The following ELAC1 variants were observed in gnomAD, a reference collection of about 807,000 sequenced individuals.
ELAC1 encodes elaC ribonuclease Z 1.
In ELAC1, 19 loss-of-function variants were observed where a neutral mutation model predicts 25.8. The ratio of observed to expected loss-of-function variants is 0.74; its 90% confidence interval spans 0.51 to 1.08. The LOEUF (loss-of-function observed/expected upper bound fraction) is 1.08. Ranked by LOEUF, ELAC1 falls within the 50% of genes least tolerant of loss-of-function variation. The probability of loss-of-function intolerance (pLI) is 0.00; values close to 1 mark genes in which losing one functional copy is unlikely to be tolerated. For missense variants in ELAC1, 403 were observed against 434.6 expected (o/e 0.93, Z 0.65); for synonymous variants, 148 against 160.9 (o/e 0.92, Z 0.61).
chr18:50,984,116 A>G lies in ELAC1; in HGVS notation c.178A>G (p.Ile60Val). The G allele has an allele frequency of 6.3e-7, 1 of 1,587,946 alleles. No individual in the cohort carries two copies. The highest frequency in any genetic ancestry group is 8.5e-7 in the Non-Finnish European group (1 of 1,169,618). The change falls in exon 3 of 4, where the codon ATC becomes GTC. Residue 60 changes from isoleucine (I) to valine (V), a missense_variant. By Grantham distance (29) the Ile-to-Val change is conservative (BLOSUM62 3). Transcript: ENST00000269466. ...AAAAGGGAGAATTACCAAGATCTTC[A>G]TCACACACCTTCATGGAGACCATTT... Reference protein sequence around the residue: ...LKAGRITKIFITHLHGDHFFG... With the variant: ...LKAGRITKIFVTHLHGDHFFG...
intron 2 of ELAC1, among the ~76,000 whole-genome samples, chr18:50,981,333 G>A (rs1907944619): frequency 1.3e-5 from 2 of 151,846 alleles, no homozygotes. Context: ...GTATGGGAGT[G>A]TGTGTGTGTG....
At chr18:50,978,463 G>C (rs1907853941) in intron 2 of ELAC1, among the ~76,000 whole-genome samples, 1 of 152,172 alleles carries the variant, frequency 6.6e-6, no homozygotes, top group African/African-American at 2.4e-5. Context: ...CATGTGCAGG[G>C]GAACTCCCCT....
At chr18:50,976,032 A>G (rs867865812) in intron 2 of ELAC1, among the ~76,000 whole-genome samples, 15 of 152,190 alleles carry the variant, frequency 9.9e-5, no homozygotes, top group Admixed American at 8.5e-4. Context: ...GTTGGGGAGC[A>G]TTGAGTACTT....
chr18:50,975,953 G>A (rs962536406), intron 2 of ELAC1, among the ~76,000 whole-genome samples: 7 of 152,164 alleles, frequency 4.6e-5, no homozygotes, highest in Non-Finnish European at 8.8e-5. Context: ...GAGAGGTAGA[G>A]ATGGACATTG....
chr18:50,976,990 T>TC (rs1218956241), intron 2 of ELAC1, among the ~76,000 whole-genome samples: 1 of 152,218 alleles, frequency 6.6e-6, no homozygotes, highest in East Asian at 1.9e-4. Context: ...CTCCTTTGAC[T>TC]CCATGTCTCA....
At position 50,984,669 on chromosome 18, in the gene ELAC1, C is replaced by T. The variant is rs1447234894; in HGVS notation, c.625+106C>T. On this transcript the variant is annotated intron_variant, in intron 3 of 3. Transcript: ENST00000269466. Reference sequence around the variant, plus strand: ...TAGTAAGGCCAGGAGTTGTGGCTCACGCCTGTAATCCTAGCACTTTGGGAG... The same window carrying T: ...TAGTAAGGCCAGGAGTTGTGGCTCATGCCTGTAATCCTAGCACTTTGGGAG... 13 of 843,902 alleles carry T rather than the reference C, an allele frequency of 1.5e-5. No homozygotes were observed. The East Asian group carries it at 1.9e-4, about 12-fold the overall frequency. The allele number at this position is 843,902 out of a possible 1,614,324, so 52.3% of individuals were successfully genotyped here.
chr18:50,977,538 C>T (rs541670089), intron 2 of ELAC1, among the ~76,000 whole-genome samples: 1 of 152,342 alleles, frequency 6.6e-6, no homozygotes, highest in African/African-American at 2.4e-5. Context: ...AGCAGCAAGG[C>T]CCTGGGCCCA....
intron 2 of ELAC1, among the ~76,000 whole-genome samples, chr18:50,980,086 C>G (rs1907903707): frequency 6.6e-6 from 1 of 151,992 alleles, no homozygotes; most frequent in African/African-American, 2.4e-5. Flanking sequence ...GCATGTAATC[C>G]CAGCATTTTG....
chr18:50,976,905 A>G (rs1042877564), intron 2 of ELAC1, among the ~76,000 whole-genome samples: 1 of 152,258 alleles, frequency 6.6e-6, no homozygotes, highest in Non-Finnish European at 1.5e-5. Context: ...GAAATTGGCC[A>G]AAACAAAGGG....
At chr18:50,986,198 T>C (rs1908105938) in intron 3 of ELAC1, among the ~76,000 whole-genome samples, 2 of 152,004 alleles carry the variant, frequency 1.3e-5, no homozygotes, top group African/African-American at 4.8e-5. Context: ...CCTCGCACAA[T>C]GCTAGGATTA....
At chr18:50,970,870 T>G (rs1037955003) in intron 1 of ELAC1, among the ~76,000 whole-genome samples, 5 of 151,982 alleles carry the variant, frequency 3.3e-5, no homozygotes, top group African/African-American at 1.2e-4. Flanking sequence ...GTGTGTATCC[T>G]CTCCCACATC....
At chr18:50,971,910 GTGTATATATATATATA>G (rs1907665979) in intron 1 of ELAC1, among the ~76,000 whole-genome samples, 1 of 64,174 alleles carries the variant, frequency 1.6e-5, no homozygotes, top group African/African-American at 4.9e-5. Context: ...GTGTGTGTGT[GTGTATATATATATATA>G]TATATATATA....
At chr18:50,977,515 C>T (rs1280301323) in intron 2 of ELAC1, among the ~76,000 whole-genome samples, 5 of 152,226 alleles carry the variant, frequency 3.3e-5, no homozygotes, top group African/African-American at 1.2e-4. Flanking sequence ...CACCAAGTCC[C>T]AAGACTGCAC....
rs897927483 is a variant in ELAC1, at chr18:50,987,267, T to C, written c.*182T>C. On this transcript the variant is annotated 3_prime_UTR_variant, in exon 4 of 4. Transcript: ENST00000269466. Reference sequence around the variant, plus strand: ...GGAGCAAACTTTTTGATAATAAATCTTTTTAAGAGAAAAAAAACCCAGCAT... The same window carrying C: ...GGAGCAAACTTTTTGATAATAAATCCTTTTAAGAGAAAAAAAACCCAGCAT... 6.5e-5 allele frequency: 28 copies of C among 433,692 alleles called. No individual in the cohort carries two copies. The highest frequency in any genetic ancestry group is 1.2e-4 in the Admixed American group (3 of 25,468). The allele number at this position is 433,692 out of a possible 1,614,324, so 26.9% of individuals were successfully genotyped here. A position where few individuals can be genotyped will look rare whatever the true frequency, so the allele number is the denominator to read the frequency against.
chr18:50,980,491 A>G (rs1032395170), intron 2 of ELAC1, among the ~76,000 whole-genome samples: 1 of 152,028 alleles, frequency 6.6e-6, no homozygotes, highest in African/African-American at 2.4e-5. Context: ...GAGGCCAGGC[A>G]TGGTGGCTCA....
intron 2 of ELAC1, among the ~76,000 whole-genome samples, chr18:50,977,237 G>A (rs979034121): frequency 1.3e-5 from 2 of 152,174 alleles, no homozygotes; most frequent in East Asian, 3.9e-4. Context: ...TATGTGTGGG[G>A]GCTCACACCC....
intron 1 of ELAC1, chr18:50,968,580 A>T (rs1907564498): frequency 6.6e-6 from 1 of 152,256 alleles, no homozygotes; most frequent in Non-Finnish European, 1.5e-5. Flanking sequence ...CTGATGCCCC[A>T]TCATCACCGG....
intron 2 of ELAC1, among the ~76,000 whole-genome samples, chr18:50,974,885 A>T (rs1907761543): frequency 6.6e-6 from 1 of 152,138 alleles, no homozygotes; most frequent in Non-Finnish European, 1.5e-5. Context: ...ACTTACCTCC[A>T]CCAGGAGATA....
At chr18:50,978,645 T>C (rs1907858596) in intron 2 of ELAC1, among the ~76,000 whole-genome samples, 2 of 152,128 alleles carry the variant, frequency 1.3e-5, no homozygotes, top group African/African-American at 4.8e-5. Flanking sequence ...ATCATCACTG[T>C]GTATATGTGT....
Sources: allele counts gnomAD v4.1 joint callset (sites outside exome capture counted in the v4.1 genomes callset), GRCh38; gene constraint gnomAD v4.1.1; transcripts MANE v1.5; gene names NCBI Gene and HGNC (gene_info 2026-07-23, HGNC 2026-07-21).